Variants in NAPA observed in about 807,000 individuals in gnomAD.
The protein encoded by NAPA is alpha-soluble NSF attachment protein.
Under a neutral mutation model 48.0 loss-of-function variants are expected in NAPA, and 18 were observed. The observed-to-expected ratio is 0.38, with a 90% CI of 0.26 to 0.56. The LOEUF (loss-of-function observed/expected upper bound fraction) is 0.56. Ranked by LOEUF, NAPA falls within the 20% of genes least tolerant of loss-of-function variation. NAPA has a pLI of 0.77. For missense variants in NAPA, 315 were observed against 385.0 expected (o/e 0.82, Z 1.52); for synonymous variants, 152 against 149.9 (o/e 1.01, Z -0.10).
At chr19:47,484,996 G>A (rs571839687), downstream of NAPA, among the ~76,000 whole-genome samples, 24 of 152,134 alleles carry the variant, frequency 1.6e-4, no homozygotes, top group East Asian at 4.6e-3. Context: ...CCCCTTGCCC[G>A]GCCTATAGTT....
At chr19:47,487,243 G>A (rs73570324), downstream of NAPA, among the ~76,000 whole-genome samples, 1,358 of 152,300 alleles carry the variant, frequency 8.9e-3, 18 homozygotes, top group African/African-American at 0.03. Context: ...CAGCCTTCCT[G>A]CCAGAGAAAT....
At chr19:47,496,870 T>C (rs1396752509) in intron 3 of NAPA, 1 of 455,816 alleles carries the variant, frequency 2.2e-6, no homozygotes, top group South Asian at 1.6e-5. Context: ...GTGGGGTCTG[T>C]AGGTTTTGTC....
In NAPA at chr19:47,489,695, C is replaced by A. The variant is rs1355881699; in HGVS notation, c.786+16G>T. ...ATCCCCGTGAAGGGGCCTGGCCCCC[C>A]ATGCTGGCCACTCACCGACTCGGTG... On this transcript the variant is annotated intron_variant, in intron 10 of 10. Transcript: ENST00000263354. 20 of 1,613,800 alleles carry A rather than the reference C, an allele frequency of 1.2e-5. No homozygotes were observed. Among genetic ancestry groups the A allele is most frequent in the Non-Finnish European group, 1.7e-5 (20 of 1,179,840 alleles).
rs1416247953 is a variant in NAPA at position 47,493,909 on chromosome 19, TGGGA to T, written c.343-420_343-417del. Reference sequence around the variant, plus strand: ...GCAAAGGGCTCTGGAGAAACCAGGATGGGAGGGAGGGCTTGAGACCTCTGCCCAA... The same window carrying T: ...GCAAAGGGCTCTGGAGAAACCAGGATGGGAGGGCTTGAGACCTCTGCCCAA... On this transcript the variant is annotated intron_variant, in intron 4 of 10. Coordinates refer to ENST00000263354, the MANE Select transcript of NAPA (RefSeq NM_003827.4). This position sits in a 1 kb window ranked among gnomAD's most constrained non-coding sequence, Gnocchi z 6.4. Among the ~76,000 whole-genome samples the T allele has an allele frequency of 3.9e-5, 6 of 152,166 alleles. No individual in the cohort carries two copies. Among genetic ancestry groups the T allele is most frequent in the Non-Finnish European group, 8.8e-5 (6 of 68,020 alleles).
intron 1 of NAPA, among the ~76,000 whole-genome samples, chr19:47,505,094 G>A (rs574808437): frequency 1.3e-5 from 2 of 152,216 alleles, no homozygotes; most frequent in African/African-American, 4.8e-5. Context: ...AATACAACCA[G>A]GCTTAGCCCG....
chr19:47,489,394 C>T (rs566892249), intron 10 of NAPA: 391 of 417,682 alleles, frequency 9.4e-4, no homozygotes, highest in Admixed American at 2.2e-3. Flanking sequence ...CACACACTCA[C>T]CTGGGGGACT....
downstream of NAPA, among the ~76,000 whole-genome samples, chr19:47,485,582 C>T (rs529809569): frequency 7.0e-4 from 107 of 152,360 alleles, no homozygotes; most frequent in Middle Eastern, 3.4e-3. Context: ...CCCTTGATCA[C>T]GGCCTTATCG....
In NAPA at chr19:47,493,571, GT is replaced by G; in HGVS notation, c.343-79del. On this transcript the variant is annotated intron_variant, in intron 4 of 10. Coordinates refer to ENST00000263354, the MANE Select transcript of NAPA (RefSeq NM_003827.4). This position sits in a 1 kb window ranked among gnomAD's most constrained non-coding sequence, Gnocchi z 6.4. ...TGCCTGCTGACCTATGACCCTTCAA[GT>G]TCCCACCCCTCAGCCACGCCTGTGA... 7.8e-7 allele frequency: 1 copy of G among 1,276,322 alleles called. No individual in the cohort carries two copies. Among genetic ancestry groups the G allele is most frequent in the Non-Finnish European group, 1.1e-6 (1 of 879,606 alleles). 79.1% of individuals were successfully genotyped at this position (1,276,322 alleles called of 1,614,324 possible). A position where few individuals can be genotyped will look rare whatever the true frequency, so the allele number is the denominator to read the frequency against.
In NAPA at chr19:47,489,447, A is replaced by ACAC. The variant is rs1163109442; in HGVS notation, c.786+261_786+263dup. ...CAGAGGCAGACAGATGTGGCTCTGA[A>ACAC]CACCAGCTCTGTCCCTGAGGGGCCA... On this transcript the variant is annotated intron_variant, in intron 10 of 10. Transcript: ENST00000263354. 5.6e-6 allele frequency: 3 copies of ACAC among 536,340 alleles called. No individual in the cohort carries two copies. In the African/African-American group the frequency reaches 5.7e-5, roughly 10 times the overall value. The allele number at this position is 536,340 out of a possible 1,614,324, so 33.2% of individuals were successfully genotyped here.
chr19:47,491,719 G>A (rs899292622), intron 8 of NAPA, among the ~76,000 whole-genome samples: 9 of 152,190 alleles, frequency 5.9e-5, no homozygotes, highest in African/African-American at 1.7e-4. Context: ...CATAAGACGC[G>A]GTGACAATGG....
At chr19:47,500,787 G>T (rs780237864) in intron 2 of NAPA, 38 bp from the exon 3 acceptor site, 2 of 1,483,532 alleles carry the variant, frequency 1.3e-6, no homozygotes, top group Non-Finnish European at 1.8e-6. Context: ...GCCTCAGTGG[G>T]GCTCCACACT....
rs1968188179 is a variant in NAPA at position 47,489,760 on chromosome 19, T to C, written c.737A>G (p.Lys246Arg). 2 of 1,613,926 alleles carry C rather than the reference T, an allele frequency of 1.2e-6. No homozygotes were observed. Among genetic ancestry groups the C allele is most frequent in the Admixed American group, 1.7e-5 (1 of 60,000 alleles). ...SDSRECKLMK[K>R]LLEAHEEQNV... ...CTGCTCCTCGTGGGCCTCTAGCAATTTCTGCAAGCAAATGGCAGAGAGGGG... is the reference window on the plus strand; with the variant it reads ...CTGCTCCTCGTGGGCCTCTAGCAATCTCTGCAAGCAAATGGCAGAGAGGGG... The change falls in exon 10 of 11, where the codon AAA becomes AGA. Residue 246 changes from lysine to arginine, a missense_variant and splice_region_variant. Physicochemically the swap from Lys to Arg is conservative, Grantham distance 26. Coordinates refer to ENST00000263354, the MANE Select transcript of NAPA (RefSeq NM_003827.4).
At position 47,488,369 on chromosome 19, in the gene NAPA, G is replaced by C; in HGVS notation, c.807C>G (p.Ile269Met). 1 of 1,613,566 alleles carries C rather than the reference G, an allele frequency of 6.2e-7. No homozygotes were observed. The highest frequency in any genetic ancestry group is 8.5e-7 in the Non-Finnish European group (1 of 1,179,674). ...YTESVKEYDSISRLDQWLTTM... is the reference protein window; with the variant it reads ...YTESVKEYDSMSRLDQWLTTM... ...TGGTGAGCCACTGGTCCAGCCGGGA[G>C]ATGGAGTCGTATTCCTTCACCTGAG... Residue 269 changes from isoleucine (I) to methionine (M), a missense_variant, in exon 11 of 11, where the codon ATC becomes ATG. Physicochemically the swap from Ile to Met is conservative, Grantham distance 10. This residue lies in a region of NAPA where 137 missense variants were observed against 150.1 expected (regional missense o/e 0.91). Transcript: ENST00000263354.
chr19:47,504,058 A>C (rs1294458255), intron 1 of NAPA, among the ~76,000 whole-genome samples: 1 of 152,144 alleles, frequency 6.6e-6, no homozygotes, highest in Non-Finnish European at 1.5e-5. Flanking sequence ...GCACTATTTT[A>C]AAGTGTAGAT....
intron 9 of NAPA, among the ~76,000 whole-genome samples, chr19:47,490,563 T>C (rs1568463154): frequency 6.6e-6 from 1 of 151,478 alleles, no homozygotes; most frequent in Non-Finnish European, 1.5e-5. Context: ...GTAGTGTGTG[T>C]GTGTGTGTCC....
chr19:47,486,552 C>T (rs893755499), downstream of NAPA, among the ~76,000 whole-genome samples: 13 of 152,190 alleles, frequency 8.5e-5, no homozygotes, highest in Non-Finnish European at 8.8e-5. Context: ...CCGCCTGCCT[C>T]GGCCTCCCAA....
rs1201729823 is a variant in NAPA, at chr19:47,489,780, G to C, written c.736-19C>G. ...GCAATTTCTGCAAGCAAATGGCAGAGAGGGGTCAGGGGCCTATGCTGACCT... is the reference window on the plus strand; with the variant it reads ...GCAATTTCTGCAAGCAAATGGCAGACAGGGGTCAGGGGCCTATGCTGACCT... On this transcript the variant is annotated intron_variant, in intron 9 of 10. Transcript: ENST00000263354. 6.2e-7 allele frequency: 1 copy of C among 1,613,884 alleles called. No homozygotes were observed. The highest frequency in any genetic ancestry group is 8.5e-7 in the Non-Finnish European group (1 of 1,179,922).
chr19:47,495,902 G>A (rs1012652291), intron 3 of NAPA: 1 of 411,694 alleles, frequency 2.4e-6, no homozygotes, highest in African/African-American at 2.0e-5. Context: ...CCAGGGACAG[G>A]GCACAGCAGT....
downstream of NAPA, among the ~76,000 whole-genome samples, chr19:47,487,060 A>G (rs149550832): frequency 7.9e-4 from 121 of 152,250 alleles, 2 homozygotes; most frequent in East Asian, 0.023. Flanking sequence ...GGCCCCCAAC[A>G]TGCACATTGT....
Sources: allele counts gnomAD v4.1 joint callset (sites outside exome capture counted in the v4.1 genomes callset), GRCh38; gene constraint gnomAD v4.1.1; regional missense constraint gnomAD v4.1.1; non-coding constraint Gnocchi (gnomAD v3.1); transcripts MANE v1.5; gene names NCBI Gene and HGNC (gene_info 2026-07-23, HGNC 2026-07-21).